Variants in TAFA2 observed in about 807,000 individuals in gnomAD.
TAFA2 encodes the protein chemokine-like protein TAFA-2.
Under a neutral mutation model 18.8 loss-of-function variants are expected in TAFA2, and 7 were observed. The ratio of observed to expected loss-of-function variants is 0.37; its 90% CI spans 0.21 to 0.70. TAFA2 has a LOEUF of 0.70. TAFA2 is among the 30% of genes least tolerant of loss of function. TAFA2 has a pLI of 0.53. For synonymous variants in TAFA2, 60 were observed against 54.2 expected (o/e 1.11, Z -0.47); for missense variants, 122 against 158.1 (o/e 0.77, Z 1.23).
intron 1 of TAFA2, among the ~76,000 whole-genome samples, chr12:61,934,474 G>A (rs191834793): frequency 4.6e-5 from 7 of 152,340 alleles, no homozygotes; most frequent in African/African-American, 1.4e-4. Flanking sequence ...AGGAATTAAT[G>A]TTGAGTCCAA....
chr12:61,910,118 G>GTGTGTGTGTGTT (rs1876545400), intron 1 of TAFA2, among the ~76,000 whole-genome samples: 1 of 151,394 alleles, frequency 6.6e-6, no homozygotes, highest in African/African-American at 2.4e-5. Context: ...GTGTGTGTGT[G>GTGTGTGTGTGTT]TGTGTGTGTG....
chr12:61,905,449 A>C (rs887352470), intron 1 of TAFA2, among the ~76,000 whole-genome samples: 1 of 152,234 alleles, frequency 6.6e-6, no homozygotes, highest in Non-Finnish European at 1.5e-5. Context: ...CAAATTAAAT[A>C]AAATAAATTA....
intron 4 of TAFA2, among the ~76,000 whole-genome samples, chr12:61,724,192 T>A (rs79811384): frequency 6.6e-6 from 1 of 152,146 alleles, no homozygotes; most frequent in Admixed American, 6.6e-5. Context: ...TTTTAAAGCA[T>A]GTATGTGGCA....
At chr12:62,030,357 G>A (rs753416486) in intron 1 of TAFA2, among the ~76,000 whole-genome samples, 7 of 152,078 alleles carry the variant, frequency 4.6e-5, no homozygotes, top group Non-Finnish European at 7.4e-5. Flanking sequence ...AAATGGCCCC[G>A]AATTGAGATA....
intron 2 of TAFA2, among the ~76,000 whole-genome samples, chr12:61,755,777 T>G (rs1196191946): frequency 6.6e-6 from 1 of 152,238 alleles, no homozygotes; most frequent in East Asian, 1.9e-4. Context: ...CTAAGTGTGT[T>G]GGATTAATGA....
At chr12:61,753,523 C>G in intron 4 of TAFA2, 99 bp downstream of exon 4, 2 of 1,116,072 alleles carry the variant, frequency 1.8e-6, no homozygotes, top group Non-Finnish European at 2.6e-6. Flanking sequence ...AAACTATACT[C>G]TTCCATTCCA....
intron 2 of TAFA2, among the ~76,000 whole-genome samples, chr12:61,794,223 T>A (rs1266029558): frequency 6.6e-6 from 1 of 152,056 alleles, no homozygotes; most frequent in Non-Finnish European, 1.5e-5. Context: ...GATAAAGAAT[T>A]ATTTCTTTTT....
chr12:62,227,364 A>T (rs7969821), intron 1 of TAFA2, among the ~76,000 whole-genome samples: 41 of 152,340 alleles, frequency 2.7e-4, no homozygotes, highest in African/African-American at 8.9e-4. Context: ...TGCATACACT[A>T]AAGTGTCTGG....
intron 1 of TAFA2, among the ~76,000 whole-genome samples, chr12:61,927,470 C>T (rs1443819331): frequency 6.6e-6 from 1 of 151,898 alleles, no homozygotes; most frequent in African/African-American, 2.4e-5. Flanking sequence ...TATGAAGGAC[C>T]CCATCAAGGA....
intron 2 of TAFA2, among the ~76,000 whole-genome samples, chr12:61,823,206 T>G (rs1175778242): frequency 6.6e-6 from 1 of 152,112 alleles, no homozygotes; most frequent in African/African-American, 2.4e-5. Context: ...AGGGTCTCAC[T>G]CTGTTGTCCA....
intron 1 of TAFA2, among the ~76,000 whole-genome samples, chr12:62,021,258 A>G (rs992052126): frequency 6.6e-6 from 1 of 152,178 alleles, no homozygotes; most frequent in Non-Finnish European, 1.5e-5. Flanking sequence ...AAAGGACTCT[A>G]AATAAGGAAA....
chr12:62,004,570 T>G (rs958372350), intron 1 of TAFA2, among the ~76,000 whole-genome samples: 12 of 152,020 alleles, frequency 7.9e-5, no homozygotes, highest in Non-Finnish European at 1.5e-4. Flanking sequence ...GGGAAAAAAA[T>G]GAATGTCTCC....
chr12:61,787,887 TC>T (rs931960125), intron 2 of TAFA2, among the ~76,000 whole-genome samples: 8 of 151,544 alleles, frequency 5.3e-5, no homozygotes, highest in African/African-American at 1.7e-4. Flanking sequence ...AGTTAAATTA[TC>T]CAGTTAAAAG....
At chr12:62,087,834 C>T (rs570360233) in intron 1 of TAFA2, among the ~76,000 whole-genome samples, 37 of 152,058 alleles carry the variant, frequency 2.4e-4, no homozygotes, top group African/African-American at 8.9e-4. Flanking sequence ...ACAGTAGGGA[C>T]GGTGGTGGCT....
At chr12:62,035,733 CTTTTTT>C (rs34859628) in intron 1 of TAFA2, among the ~76,000 whole-genome samples, 34 of 60,230 alleles carry the variant, frequency 5.6e-4, no homozygotes, top group African/African-American at 2.2e-3. Flanking sequence ...ATGATTCTTT[CTTTTTT>C]TTTTTTTTTT....
chr12:61,875,454 A>T (rs929641234), intron 1 of TAFA2, among the ~76,000 whole-genome samples: 3 of 152,144 alleles, frequency 2.0e-5, no homozygotes, highest in Non-Finnish European at 4.4e-5. Flanking sequence ...AGGTACGGTT[A>T]TATAGTATGA....
intron 2 of TAFA2, among the ~76,000 whole-genome samples, chr12:61,769,011 T>C (rs1188489716): frequency 6.6e-6 from 1 of 151,900 alleles, no homozygotes; most frequent in Non-Finnish European, 1.5e-5. Flanking sequence ...TGGGGCATGG[T>C]GGGAGTGAAA....
intron 1 of TAFA2, among the ~76,000 whole-genome samples, chr12:62,005,088 G>A (rs1880502525): frequency 6.6e-6 from 1 of 151,962 alleles, no homozygotes; most frequent in Admixed American, 6.6e-5. Flanking sequence ...TATGTAGGAT[G>A]ATTAAATATA....
chr12:61,941,303 A>G (rs1877999046), intron 1 of TAFA2, among the ~76,000 whole-genome samples: 1 of 152,160 alleles, frequency 6.6e-6, no homozygotes, highest in Non-Finnish European at 1.5e-5. Context: ...ATTAATCTGC[A>G]CTCTTTTTAA....
Sources: allele counts gnomAD v4.1 joint callset (sites outside exome capture counted in the v4.1 genomes callset), GRCh38; gene constraint gnomAD v4.1.1; transcripts MANE v1.5; gene names NCBI Gene and HGNC (gene_info 2026-07-23, HGNC 2026-07-21).